Variants in OSBPL6 observed in about 807,000 individuals in gnomAD.
OSBPL6 encodes the protein oxysterol binding protein like 6.
A neutral mutation model predicts 125.8 loss-of-function variants in OSBPL6; 49 were observed. The ratio of observed to expected loss-of-function variants is 0.39; its 90% CI spans 0.31 to 0.49. The LOEUF is 0.49. Among genes scored for constraint, OSBPL6 ranks in the 20% least tolerant of loss-of-function variants. The probability of loss-of-function intolerance (pLI) is 0.88; values close to 1 mark genes in which losing one functional copy is unlikely to be tolerated. For synonymous variants in OSBPL6, 394 were observed against 391.8 expected, an observed-to-expected ratio of 1.01 and a Z score of -0.07; for missense variants, 986 against 1,135.4, an observed-to-expected ratio of 0.87 and a Z score of 1.89.
rs1370793483 is a variant in OSBPL6, at chr2:178,384,067, G to A, written c.1904G>A (p.Gly635Glu). ...CTCGTTGCCGCATTTGCAGTTTCAG[G>A]ATACTGCTCCACCTATTTCAGAGCA... Reference protein sequence around the residue: ...MVLVAAFAVSGYCSTYFRAGS... With the variant: ...MVLVAAFAVSEYCSTYFRAGS... Residue 635 changes from glycine to glutamate, a missense_variant, in exon 18 of 25, where the codon GGA becomes GAA. Physicochemically the swap from Gly to Glu is moderately conservative, Grantham distance 98. Around this residue, in one of 3 missense-constraint regions of OSBPL6, gnomAD observed 843 missense variants for 997.3 expected, o/e 0.85. Transcript: ENST00000190611. 23 of 1,614,000 alleles carry A rather than the reference G, an allele frequency of 1.4e-5. No homozygotes were observed. The highest frequency in any genetic ancestry group is 1.9e-5 in the Non-Finnish European group (23 of 1,179,882).
intron 2 of OSBPL6, among the ~76,000 whole-genome samples, chr2:178,298,497 C>T (rs764676719): frequency 1.9e-4 from 29 of 152,104 alleles, no homozygotes; most frequent in Non-Finnish European, 2.9e-4. Flanking sequence ...GAGCTCAGCT[C>T]GCTGCAGCCT....
At chr2:178,287,962 GAT>G (rs1491503424) in intron 2 of OSBPL6, among the ~76,000 whole-genome samples, 7 of 38,860 alleles carry the variant, frequency 1.8e-4, no homozygotes, top group Admixed American at 3.7e-4. Flanking sequence ...GAAACAGGTT[GAT>G]TTTTTTTTTT....
At chr2:178,284,629 A>G (rs1684528297) in intron 1 of OSBPL6, among the ~76,000 whole-genome samples, 1 of 152,194 alleles carries the variant, frequency 6.6e-6, no homozygotes, top group Admixed American at 6.5e-5. Context: ...CCTGGAGAAT[A>G]TATTTTGTCC....
At chr2:178,296,476 C>T (rs2154051370) in intron 2 of OSBPL6, among the ~76,000 whole-genome samples, 1 of 152,256 alleles carries the variant, frequency 6.6e-6, no homozygotes, top group African/African-American at 2.4e-5. Flanking sequence ...ATGAAAACCA[C>T]TACAAGAGAA....
At chr2:178,308,602 A>T (rs543279868) in intron 3 of OSBPL6, among the ~76,000 whole-genome samples, 1 of 152,180 alleles carries the variant, frequency 6.6e-6, no homozygotes, top group Non-Finnish European at 1.5e-5. Context: ...GAGCATTTCT[A>T]CTTAAATGCA....
intron 2 of OSBPL6, among the ~76,000 whole-genome samples, chr2:178,286,240 G>A (rs991768286): frequency 6.6e-6 from 1 of 152,104 alleles, no homozygotes; most frequent in South Asian, 2.1e-4. Flanking sequence ...TAAAAATCTG[G>A]TCTTGTTACT....
intron 1 of OSBPL6, among the ~76,000 whole-genome samples, chr2:178,209,372 T>C (rs1175368240): frequency 6.6e-6 from 1 of 151,980 alleles, no homozygotes. Flanking sequence ...TTCTGGGTTT[T>C]CAAAGAGGCA....
At chr2:178,324,016 A>C (rs1030540527) in intron 3 of OSBPL6, among the ~76,000 whole-genome samples, 161 bp from the exon 4 acceptor site, 2 of 152,214 alleles carry the variant, frequency 1.3e-5, no homozygotes, top group African/African-American at 2.4e-5. Flanking sequence ...CTGTGCCGAC[A>C]TATTTTTCTG....
At chr2:178,382,784 G>C (rs1694602248) in intron 16 of OSBPL6, 3 of 1,419,654 alleles carry the variant, frequency 2.1e-6, no homozygotes. Context: ...TTAAAACTTA[G>C]CCTGTCTTGT....
rs1182288588 is a variant in OSBPL6, at chr2:178,336,355, C to T, written c.712C>T (p.Pro238Ser). 1.9e-6 allele frequency: 3 copies of T among 1,613,964 alleles called. No individual in the cohort carries two copies. Among genetic ancestry groups the T allele is most frequent in the Non-Finnish European group, 2.5e-6 (3 of 1,179,992 alleles). The change falls in exon 9 of 25, where the codon CCT becomes TCT. Residue 238 changes from proline to serine, a missense_variant. Transcript: ENST00000190611. ...QSPLPCSNSL[P>S]ATCTTGQSKV... is the part of the protein sequence containing the mutation. ...CCCTTTACCATGCAGCAATAGCCTC[C>T]CTGCAACGTGCACAACTGGCCAGAG...
intron 1 of OSBPL6, among the ~76,000 whole-genome samples, chr2:178,268,103 A>T (rs1007630277): frequency 7.0e-6 from 1 of 143,672 alleles, no homozygotes; most frequent in East Asian, 2.1e-4. Context: ...TTTTTTTGAG[A>T]TGGAGTTTCA....
chr2:178,381,898 G>C (rs1346057346), intron 15 of OSBPL6, among the ~76,000 whole-genome samples: 1 of 152,050 alleles, frequency 6.6e-6, no homozygotes, highest in Non-Finnish European at 1.5e-5. Flanking sequence ...TGCATTCCTG[G>C]GATAAATCTT....
chr2:178,285,157 A>G (rs906934056), intron 2 of OSBPL6, 36 bp downstream of exon 2: 8 of 397,994 alleles, frequency 2.0e-5, no homozygotes, highest in African/African-American at 2.1e-5. Context: ...AACCAAAAGC[A>G]GGGTTAGGTT....
At chr2:178,285,993 G>C (rs1027695131) in intron 2 of OSBPL6, among the ~76,000 whole-genome samples, 7 of 152,128 alleles carry the variant, frequency 4.6e-5, no homozygotes, top group African/African-American at 1.7e-4. Flanking sequence ...AGAAACCAAG[G>C]CTCAGTAATT....
chr2:178,339,322 C>G (rs545710051), intron 10 of OSBPL6, among the ~76,000 whole-genome samples: 1 of 152,236 alleles, frequency 6.6e-6, no homozygotes, highest in South Asian at 2.1e-4. Flanking sequence ...AAAAGAAATA[C>G]ATTCAGTATC....
intron 11 of OSBPL6, among the ~76,000 whole-genome samples, chr2:178,341,780 A>T (rs1690221784): frequency 6.6e-6 from 1 of 152,182 alleles, no homozygotes; most frequent in African/African-American, 2.4e-5. Flanking sequence ...TTTTAAGGGG[A>T]ACACAGCAGA....
At chr2:178,309,392 GCAA>G (rs1043065048) in intron 3 of OSBPL6, among the ~76,000 whole-genome samples, 168 of 152,234 alleles carry the variant, frequency 1.1e-3, no homozygotes, top group African/African-American at 3.6e-3. Flanking sequence ...TTAAAGACCT[GCAA>G]CAACATTAGT....
At chr2:178,387,012 T>G in intron 19 of OSBPL6, 49 bp from the exon 20 acceptor site, 3 of 1,224,702 alleles carry the variant, frequency 2.4e-6, no homozygotes, top group Non-Finnish European at 3.6e-6. Context: ...ATAGAAGAGG[T>G]GATTAGATAT....
At chr2:178,378,623 A>G (rs1031472364) in intron 15 of OSBPL6, among the ~76,000 whole-genome samples, 1 of 152,220 alleles carries the variant, frequency 6.6e-6, no homozygotes, top group Non-Finnish European at 1.5e-5. Flanking sequence ...AAGTTTGTAA[A>G]GAGAAATACT....
Sources: allele counts gnomAD v4.1 joint callset (sites outside exome capture counted in the v4.1 genomes callset), GRCh38; gene constraint gnomAD v4.1.1; regional missense constraint gnomAD v4.1.1; transcripts MANE v1.5; gene names NCBI Gene and HGNC (gene_info 2026-07-23, HGNC 2026-07-21).